Variants in BTBD9 observed in about 807,000 individuals in gnomAD.
BTBD9 encodes the protein BTB domain containing 9.
A neutral mutation model predicts 64.3 loss-of-function variants in BTBD9; 49 were observed. That is an observed-to-expected ratio of 0.76 (90% CI 0.61 to 0.97). The LOEUF (loss-of-function observed/expected upper bound fraction) is 0.97, where lower values mean the gene tolerates loss of function less well. Among genes scored for constraint, BTBD9 ranks in the 50% least tolerant of loss-of-function variants. BTBD9 has a pLI of 0.00. For synonymous variants in BTBD9, 260 were observed against 274.7 expected (o/e 0.95, Z 0.53); for missense variants, 598 against 762.1 (o/e 0.78, Z 2.53).
At chr6:38,332,092 G>A (rs228182) in intron 7 of BTBD9, among the ~76,000 whole-genome samples, 41,183 of 151,966 alleles carry the variant, frequency 0.27, 6,488 homozygotes, top group East Asian at 0.46. Context: ...AATAACTGCT[G>A]TTTATATACA....
chr6:38,584,121 G>GT (rs1419229534), intron 4 of BTBD9, among the ~76,000 whole-genome samples: 1 of 152,130 alleles, frequency 6.6e-6, no homozygotes, highest in Admixed American at 6.5e-5. Context: ...GAGTACAGGA[G>GT]TTTGAGACCA....
chr6:38,359,707 G>T (rs1764875609), intron 6 of BTBD9, among the ~76,000 whole-genome samples: 1 of 152,174 alleles, frequency 6.6e-6, no homozygotes, highest in Non-Finnish European at 1.5e-5. Flanking sequence ...AAAGGAGGAA[G>T]GAAAGGTGGG....
At chr6:38,488,648 C>G (rs1029951535) in intron 6 of BTBD9, among the ~76,000 whole-genome samples, 1 of 152,078 alleles carries the variant, frequency 6.6e-6, no homozygotes, top group Admixed American at 6.6e-5. Flanking sequence ...AAACGTCAGA[C>G]GAAAACCAGC....
chr6:38,548,726 TG>T (rs2075808114), intron 6 of BTBD9, among the ~76,000 whole-genome samples: 1 of 152,220 alleles, frequency 6.6e-6, no homozygotes, highest in African/African-American at 2.4e-5. Flanking sequence ...ATTCAAATAT[TG>T]TTAAGGGTCA....
chr6:38,577,865 A>T, intron 5 of BTBD9, 146 bp from the exon 6 acceptor site: 1 of 745,776 alleles, frequency 1.3e-6, no homozygotes, highest in Admixed American at 2.9e-5. Flanking sequence ...TAACAAAAGA[A>T]TGTTATGATA....
intron 6 of BTBD9, among the ~76,000 whole-genome samples, chr6:38,550,567 C>T (rs1280233787): frequency 2.0e-5 from 3 of 152,140 alleles, no homozygotes; most frequent in Non-Finnish European, 4.4e-5. Context: ...CTGCCCACCT[C>T]AGCCTCCCAA....
chr6:38,219,139 T>C (rs529804042), intron 9 of BTBD9, among the ~76,000 whole-genome samples: 12 of 142,024 alleles, frequency 8.4e-5, no homozygotes, highest in African/African-American at 2.6e-4. Context: ...CTTTTTTTTT[T>C]TTTTTTTTTT....
chr6:38,193,823 C>T, intron 9 of BTBD9: 12 of 985,376 alleles, frequency 1.2e-5, no homozygotes, highest in Non-Finnish European at 1.4e-5. Context: ...TGTTTTTCCC[C>T]CTTTGGTTTC....
At chr6:38,379,409 T>G (rs1765832720) in intron 6 of BTBD9, among the ~76,000 whole-genome samples, 1 of 152,214 alleles carries the variant, frequency 6.6e-6, no homozygotes. Flanking sequence ...CTCTGTAATC[T>G]GACAAATCTT....
At chr6:38,268,347 TTC>T (rs1765085969) in intron 8 of BTBD9, among the ~76,000 whole-genome samples, 1 of 152,164 alleles carries the variant, frequency 6.6e-6, no homozygotes, top group Non-Finnish European at 1.5e-5. Context: ...CTCCTCCCTG[TTC>T]CCTTGGATCA....
intron 4 of BTBD9, chr6:38,588,140 G>A (rs1776626751): frequency 2.7e-6 from 2 of 752,162 alleles, no homozygotes; most frequent in South Asian, 1.4e-5. Flanking sequence ...TCAACAGTAT[G>A]GTATTCAGTA....
intron 6 of BTBD9, among the ~76,000 whole-genome samples, chr6:38,497,040 C>A (rs988236918): frequency 6.6e-6 from 1 of 152,086 alleles, no homozygotes; most frequent in Non-Finnish European, 1.5e-5. Flanking sequence ...TGGGAAATAC[C>A]TTTTTCTCAA....
At chr6:38,588,416 C>A (rs529298950) in intron 4 of BTBD9, 56 of 820,804 alleles carry the variant, frequency 6.8e-5, no homozygotes, top group Middle Eastern at 4.6e-4. Flanking sequence ...AGACCAAGAT[C>A]AAGTTTTACT....
chr6:38,430,171 T>C (rs1256294512), intron 6 of BTBD9, among the ~76,000 whole-genome samples: 7 of 152,024 alleles, frequency 4.6e-5, no homozygotes, highest in Non-Finnish European at 1.0e-4. Flanking sequence ...ACTATCCTTT[T>C]CCTTACTTTT....
chr6:38,563,817 T>C (rs1775354666), intron 6 of BTBD9, among the ~76,000 whole-genome samples: 1 of 148,288 alleles, frequency 6.7e-6, no homozygotes, highest in South Asian at 2.2e-4. Flanking sequence ...AGTCCTGCTC[T>C]GTTGCCCAGG....
chr6:38,209,842 G>A (rs983948210), intron 9 of BTBD9, among the ~76,000 whole-genome samples: 11 of 152,176 alleles, frequency 7.2e-5, no homozygotes, highest in Non-Finnish European at 1.5e-5. Flanking sequence ...GGCAGAGGAG[G>A]AGCTTCAGAC....
chr6:38,478,052 T>C (rs1770970936), intron 6 of BTBD9, among the ~76,000 whole-genome samples: 1 of 152,156 alleles, frequency 6.6e-6, no homozygotes, highest in African/African-American at 2.4e-5. Flanking sequence ...TTATACAGGA[T>C]TAGGTAAGAC....
chr6:38,501,377 C>T (rs1230657150), intron 6 of BTBD9, among the ~76,000 whole-genome samples: 1 of 152,180 alleles, frequency 6.6e-6, no homozygotes, highest in East Asian at 1.9e-4. Flanking sequence ...AAAAAAAGTT[C>T]AAAATCCTTA....
chr6:38,338,679 C>T (rs1393650351), intron 7 of BTBD9, among the ~76,000 whole-genome samples: 1 of 152,024 alleles, frequency 6.6e-6, no homozygotes, highest in African/African-American at 2.4e-5. Flanking sequence ...ACCAGGAGAC[C>T]TTAGGAAGCA....
Sources: gnomAD v4.1 joint callset for allele counts (sites outside exome capture counted in the v4.1 genomes callset) on GRCh38, gnomAD v4.1.1 for gene constraint, MANE v1.5 for transcripts, NCBI Gene and HGNC (gene_info 2026-07-23, HGNC 2026-07-21) for gene names.